Variants in PAIP2 observed in about 807,000 individuals in gnomAD.
PAIP2 encodes the protein polyadenylate-binding protein-interacting protein 2.
A neutral mutation model predicts 14.8 loss-of-function variants in PAIP2; 7 were observed. The ratio of observed to expected loss-of-function variants is 0.47; its 90% CI spans 0.27 to 0.89. The LOEUF (loss-of-function observed/expected upper bound fraction) is 0.89, where lower values mean the gene tolerates loss of function less well. PAIP2 is among the 40% of genes least tolerant of loss of function. The probability of loss-of-function intolerance (pLI) is 0.13; values close to 1 mark genes in which losing one functional copy is unlikely to be tolerated. For synonymous variants in PAIP2, 47 were observed against 45.3 expected, an observed-to-expected ratio of 1.04 and a Z score of -0.15; for missense variants, 122 against 154.7, an observed-to-expected ratio of 0.79 and a Z score of 1.12.
At chr5:139,347,566 G>A (rs1407741149) in intron 1 of PAIP2, among the ~76,000 whole-genome samples, 3 of 151,934 alleles carry the variant, frequency 2.0e-5, no homozygotes, top group African/African-American at 4.8e-5. Context: ...GAGCCACCAC[G>A]CCAGGCCATA....
chr5:139,360,710 CT>C (rs1439197831), intron 1 of PAIP2, among the ~76,000 whole-genome samples: 1 of 151,386 alleles, frequency 6.6e-6, no homozygotes. Context: ...CGATCCACCC[CT>C]GTTGACCTCC....
chr5:139,367,925 C>T (rs1036731407), intron 3 of PAIP2, among the ~76,000 whole-genome samples: 16 of 152,174 alleles, frequency 1.1e-4, no homozygotes, highest in African/African-American at 3.4e-4. Context: ...TAATTTAGGC[C>T]GGGTGCAGTG....
At position 139,364,703 on chromosome 5, in the gene PAIP2, A is replaced by G; in HGVS notation, c.278A>G (p.Asp93Gly). 6.2e-7 allele frequency: 1 copy of G among 1,612,922 alleles called. No homozygotes were observed. The highest frequency in any genetic ancestry group is 1.1e-5 in the South Asian group (1 of 90,890). Reference protein sequence around the residue: ...TMDQIQDQFNDLVISDGSSLE... With the variant: ...TMDQIQDQFNGLVISDGSSLE... Reference sequence around the variant, plus strand: ...GACCAAATCCAAGACCAGTTTAATGACCTTGTTATCAGTGATGGCTCTTCT... The same window carrying G: ...GACCAAATCCAAGACCAGTTTAATGGCCTTGTTATCAGTGATGGCTCTTCT... The change falls in exon 3 of 4, where the codon GAC becomes GGC. Residue 93 changes from aspartate to glycine, a missense_variant. Physicochemically the swap from Asp to Gly is moderately conservative, Grantham distance 94. This residue lies in a region of PAIP2 where 46 missense variants were observed against 44.0 expected (regional missense o/e 1.05). Transcript: ENST00000265192.
Position 139,352,528 on chromosome 5 carries a change from G to A in PAIP2, c.-27+10548G>A, listed in dbSNP as rs1430689407. On this transcript the variant is annotated intron_variant, in intron 1 of 3. Transcript: ENST00000265192. ...TTTTTTTTTTTTGAGATGGAGTTTC[G>A]TCCTTGTTGCCCAGGCTGGAGTGCA... Among the ~76,000 whole-genome samples the A allele has an allele frequency of 2.0e-4, 14 of 70,440 alleles. 1 individual carries two copies. Among genetic ancestry groups the A allele is most frequent in the African/African-American group, 4.8e-4 (12 of 25,166 alleles). 46.2% of individuals were successfully genotyped at this position (70,440 alleles called of 152,430 possible).
In PAIP2 at chr5:139,356,889, G is replaced by GA. The variant is rs70982774; in HGVS notation, c.-26-6851dup. Among the ~76,000 whole-genome samples, 1,020 of 112,410 alleles carry GA rather than the reference G, an allele frequency of 9.1e-3. 13 individuals carry two copies. The highest frequency in any genetic ancestry group is 0.035 in the African/African-American group (789 of 22,314). 73.7% of individuals were successfully genotyped at this position (112,410 alleles called of 152,430 possible). ...GTGACAGAGCAAGACTCTGTCTCCA[G>GA]AAAAAAAAAAAAAAAAAAAGACATT... is the stretch of plus-strand genomic sequence containing the variant. On this transcript the variant is annotated intron_variant, in intron 1 of 3. Coordinates refer to ENST00000265192, the MANE Select transcript of PAIP2 (RefSeq NM_016480.5).
intron 1 of PAIP2, among the ~76,000 whole-genome samples, chr5:139,356,317 G>C (rs1756910928): frequency 6.6e-6 from 1 of 151,170 alleles, no homozygotes; most frequent in African/African-American, 2.4e-5. Flanking sequence ...CTGGTGGCAT[G>C]CACCTGTAAT....
In PAIP2 at chr5:139,368,889, C is replaced by CTG. The variant is rs752685890; in HGVS notation, c.*95_*96dup. ...CTTAATTGTAAAAGCTCTCTTGTCA[C>CTG]TGTGTTACACTTATGCATTGCCAAA... On this transcript the variant is annotated 3_prime_UTR_variant, in exon 4 of 4. Transcript: ENST00000265192. 1.1e-5 allele frequency: 10 copies of CTG among 946,054 alleles called. No homozygotes were observed. Among genetic ancestry groups the CTG allele is most frequent in the Middle Eastern group, 2.2e-4 (1 of 4,604 alleles). 58.6% of individuals were successfully genotyped at this position (946,054 alleles called of 1,614,324 possible).
At chr5:139,364,148 G>A (rs1757150773) in intron 2 of PAIP2, 1 of 515,146 alleles carries the variant, frequency 1.9e-6, no homozygotes, top group Admixed American at 3.6e-5. Context: ...TGAATCAGGA[G>A]GATGAGGGTG....
chr5:139,350,492 A>G (rs927091756), intron 1 of PAIP2, among the ~76,000 whole-genome samples: 2 of 150,404 alleles, frequency 1.3e-5, no homozygotes, highest in Non-Finnish European at 3.0e-5. Context: ...TTAGTGTGTC[A>G]TGGTGGCATG....
At chr5:139,367,697 T>C (rs1413140263) in intron 3 of PAIP2, 2 of 151,586 alleles carry the variant, frequency 1.3e-5, no homozygotes, top group Non-Finnish European at 2.9e-5. Flanking sequence ...GATTCTAAAG[T>C]AAAATCAGCA....
At chr5:139,358,985 C>A (rs187949457) in intron 1 of PAIP2, among the ~76,000 whole-genome samples, 102 of 152,056 alleles carry the variant, frequency 6.7e-4, no homozygotes, top group Admixed American at 1.2e-3. Flanking sequence ...ACAGTAAATT[C>A]TTTTTTTGAG....
intron 1 of PAIP2, among the ~76,000 whole-genome samples, chr5:139,345,126 C>T (rs557943750): frequency 9.2e-5 from 14 of 151,746 alleles, no homozygotes; most frequent in East Asian, 7.8e-4. Context: ...GCTCACTGCA[C>T]GCTCCACCTC....
intron 1 of PAIP2, among the ~76,000 whole-genome samples, chr5:139,345,772 CGCTT>C (rs999865933): frequency 1.2e-3 from 176 of 151,950 alleles, no homozygotes; most frequent in African/African-American, 4.0e-3. Flanking sequence ...GGACTACAGA[CGCTT>C]GCCACCATGC....
intron 3 of PAIP2, chr5:139,367,687 G>C (rs1757347636): frequency 6.6e-6 from 1 of 151,866 alleles, no homozygotes; most frequent in Non-Finnish European, 1.5e-5. Flanking sequence ...TTTTAGTGAG[G>C]ATTCTAAAGT....
intron 2 of PAIP2, 58 bp downstream of exon 2, chr5:139,363,980 A>G: frequency 6.9e-7 from 1 of 1,441,450 alleles, no homozygotes; most frequent in Non-Finnish European, 9.7e-7. Context: ...ATATGATTGT[A>G]CTTGTCCCTG....
intron 3 of PAIP2, chr5:139,367,656 T>C (rs1222652445): frequency 6.6e-6 from 1 of 152,192 alleles, no homozygotes; most frequent in Non-Finnish European, 1.5e-5. Context: ...AGATGGCAAT[T>C]GTAGAAAAAC....
At chr5:139,357,770 G>A (rs146665723) in intron 1 of PAIP2, among the ~76,000 whole-genome samples, 8 of 152,304 alleles carry the variant, frequency 5.3e-5, no homozygotes, top group African/African-American at 1.9e-4. Flanking sequence ...GGCAGAGGTT[G>A]CAATGAGCTG....
At chr5:139,348,970 A>G (rs183756652) in intron 1 of PAIP2, among the ~76,000 whole-genome samples, 26 of 152,094 alleles carry the variant, frequency 1.7e-4, no homozygotes, top group South Asian at 1.7e-3. Context: ...GCCACTGTGC[A>G]TGGCCTGAGT....
At position 139,352,502 on chromosome 5, in the gene PAIP2, G is replaced by GT. The variant is rs536704901; in HGVS notation, c.-27+10534dup. Among the ~76,000 whole-genome samples, 316 of 76,128 alleles carry GT rather than the reference G, an allele frequency of 4.2e-3. 1 individual carries two copies. The highest frequency in any genetic ancestry group is 7.0e-3 in the Non-Finnish European group (208 of 29,900). The allele number at this position is 76,128 out of a possible 152,430, so 49.9% of individuals were successfully genotyped here. On this transcript the variant is annotated intron_variant, in intron 1 of 3. Coordinates refer to ENST00000265192, the MANE Select transcript of PAIP2 (RefSeq NM_016480.5). The stretch of plus-strand genomic sequence containing the variant: ...AATTCCTGCCAGTTTTTTTTTTGTT[G>GT]TTTTTTTTTTTTGAGATGGAGTTTC...
Sources: gnomAD v4.1 joint callset for allele counts (sites outside exome capture counted in the v4.1 genomes callset) on GRCh38, gnomAD v4.1.1 for gene constraint, gnomAD v4.1.1 regional missense constraint, MANE v1.5 for transcripts, NCBI Gene and HGNC (gene_info 2026-07-23, HGNC 2026-07-21) for gene names.